Variants in SSH2 observed in about 807,000 individuals in gnomAD.
The protein encoded by SSH2 is slingshot protein phosphatase 2.
Under a neutral mutation model 135.2 loss-of-function variants are expected in SSH2, and 37 were observed. The ratio of observed to expected loss-of-function variants is 0.27; its 90% confidence interval spans 0.21 to 0.36. The LOEUF (loss-of-function observed/expected upper bound fraction) is 0.36, where lower values mean the gene tolerates loss of function less well. Among genes scored for constraint, SSH2 ranks in the 10% least tolerant of loss-of-function variants. SSH2 has a pLI of 1.00. For synonymous variants in SSH2, 628 were observed against 646.2 expected, an observed-to-expected ratio of 0.97 and a Z score of 0.43; for missense variants, 1,408 against 1,765.3, an observed-to-expected ratio of 0.80 and a Z score of 3.63.
In SSH2 at chr17:29,738,698, T is replaced by C. The variant is rs1034761216; in HGVS notation, c.189-35636A>G. 8.1e-4 allele frequency among the ~76,000 whole-genome samples: 123 copies of C among 151,996 alleles called. 1 individual carries two copies. Among genetic ancestry groups the C allele is most frequent in the Non-Finnish European group, 2.4e-4 (16 of 67,920 alleles). The stretch of plus-strand genomic sequence containing the variant: ...CCTCCCAAGTAGCTGGGACTACAGG[T>C]GCCCGCCACCATGCCCGGCTAATTT... On this transcript the variant is annotated intron_variant, in intron 3 of 15. Coordinates refer to ENST00000540801, the MANE Select transcript of SSH2 (RefSeq NM_001282129.2).
At chr17:29,641,935 GT>G (rs1475393924) in intron 14 of SSH2, among the ~76,000 whole-genome samples, 1 of 99,490 alleles carries the variant, frequency 1.0e-5, no homozygotes, top group Non-Finnish European at 1.9e-5. Flanking sequence ...TATAGACATT[GT>G]CTTTTTTTTT....
At chr17:29,672,262 C>A in intron 8 of SSH2, 133 bp from the exon 9 acceptor site, 5 of 610,938 alleles carry the variant, frequency 8.2e-6, no homozygotes, top group Non-Finnish European at 1.4e-5. Flanking sequence ...CCTTGAAAGT[C>A]AAGATTCTCC....
At chr17:29,783,196 G>A (rs199606882) in intron 3 of SSH2, among the ~76,000 whole-genome samples, 6 of 150,908 alleles carry the variant, frequency 4.0e-5, no homozygotes, top group Admixed American at 6.6e-5. Flanking sequence ...GGGGTCATTC[G>A]GTTGTTAGAA....
chr17:29,643,003 A>G (rs1181421967), intron 14 of SSH2: 1 of 518,942 alleles, frequency 1.9e-6, no homozygotes. Flanking sequence ...GCCTCTTGGG[A>G]TAAAATATAA....
At chr17:29,641,937 C>CTTT (rs34380761) in intron 14 of SSH2, among the ~76,000 whole-genome samples, 20 of 139,484 alleles carry the variant, frequency 1.4e-4, no homozygotes, top group Admixed American at 1.1e-3. Flanking sequence ...TAGACATTGT[C>CTTT]TTTTTTTTTT....
intron 8 of SSH2, among the ~76,000 whole-genome samples, chr17:29,673,370 G>A (rs2037572238): frequency 6.6e-6 from 1 of 152,108 alleles, no homozygotes. Context: ...AGGAGATCGA[G>A]ATCAGCCTAA....
At chr17:29,752,737 A>G (rs1447814502) in intron 3 of SSH2, among the ~76,000 whole-genome samples, 1 of 152,022 alleles carries the variant, frequency 6.6e-6, no homozygotes, top group Non-Finnish European at 1.5e-5. Context: ...GCAATAGGCT[A>G]GGAGAAAGTA....
At chr17:29,717,748 G>T (rs559077313) in intron 3 of SSH2, among the ~76,000 whole-genome samples, 1 of 152,134 alleles carries the variant, frequency 6.6e-6, no homozygotes, top group Admixed American at 6.6e-5. Context: ...AAAGGCAGTG[G>T]GGGGAGCTAG....
intron 1 of SSH2, among the ~76,000 whole-genome samples, chr17:29,906,153 A>G (rs547531678): frequency 1.3e-5 from 2 of 152,324 alleles, no homozygotes; most frequent in African/African-American, 4.8e-5. Context: ...CTGGATGGAC[A>G]AGAACTCAGG....
chr17:29,704,821 A>G (rs1037346837), intron 3 of SSH2, among the ~76,000 whole-genome samples: 5 of 152,124 alleles, frequency 3.3e-5, no homozygotes, highest in African/African-American at 1.2e-4. Flanking sequence ...CAAGTTATCC[A>G]TCAAGTTTCT....
intron 3 of SSH2, among the ~76,000 whole-genome samples, chr17:29,730,283 G>A (rs1455013405): frequency 6.7e-6 from 1 of 149,628 alleles, no homozygotes; most frequent in African/African-American, 2.4e-5. Flanking sequence ...GCTCACTCCA[G>A]CCTGGGTGAC....
chr17:29,736,292 C>G (rs1030236179), intron 3 of SSH2, among the ~76,000 whole-genome samples: 6 of 152,100 alleles, frequency 3.9e-5, no homozygotes, highest in African/African-American at 1.4e-4. Flanking sequence ...GTTGGACACT[C>G]TAGAAATGTC....
chr17:29,692,664 C>A (rs2038538128), intron 5 of SSH2, among the ~76,000 whole-genome samples: 1 of 152,164 alleles, frequency 6.6e-6, no homozygotes, highest in South Asian at 2.1e-4. Context: ...GATGTTAGAT[C>A]TCTTTAAAGC....
chr17:29,644,619 C>T (rs1257580631), intron 14 of SSH2, among the ~76,000 whole-genome samples: 2 of 152,042 alleles, frequency 1.3e-5, no homozygotes, highest in Non-Finnish European at 2.9e-5. Flanking sequence ...CCATCCTGGC[C>T]AACATGGTGA....
rs1045339665 is a variant in SSH2 at position 29,701,367 on chromosome 17, G to A, written c.292+1592C>T. 2.1e-4 allele frequency among the ~76,000 whole-genome samples: 31 copies of A among 147,980 alleles called. 1 individual carries two copies. Among genetic ancestry groups the A allele is most frequent in the African/African-American group, 7.0e-4 (28 of 40,218 alleles). Reference sequence around the variant, plus strand: ...GGTGATCCACCTGCCTCGGCCTCCCGAGGTGCTGGGATCATAGGCGCGAGC... The same window carrying A: ...GGTGATCCACCTGCCTCGGCCTCCCAAGGTGCTGGGATCATAGGCGCGAGC... On this transcript the variant is annotated intron_variant, in intron 4 of 15. Transcript: ENST00000540801.
intron 3 of SSH2, among the ~76,000 whole-genome samples, chr17:29,783,794 C>T (rs1217471782): frequency 1.3e-5 from 2 of 151,956 alleles, no homozygotes; most frequent in Non-Finnish European, 2.9e-5. Context: ...GGGCCGGGCG[C>T]GGTGGCTCAC....
chr17:29,757,106 C>T (rs1368015311), intron 3 of SSH2, among the ~76,000 whole-genome samples: 1 of 152,158 alleles, frequency 6.6e-6, no homozygotes, highest in African/African-American at 2.4e-5. Flanking sequence ...AATACAAAAT[C>T]TTTTGAGTCA....
At chr17:29,727,715 G>C (rs570885420) in intron 3 of SSH2, among the ~76,000 whole-genome samples, 9 of 152,314 alleles carry the variant, frequency 5.9e-5, no homozygotes, top group African/African-American at 1.9e-4. Context: ...CCCACAGCTA[G>C]TAAGTCACTG....
chr17:29,627,703 A>G lies in SSH2; in HGVS notation c.*3138T>C, dbSNP rs2035538836. The G allele has an allele frequency of 2.6e-5, 4 of 152,628 alleles. No homozygotes were observed. The highest frequency in any genetic ancestry group is 9.7e-5 in the African/African-American group (4 of 41,436). The allele number at this position is 152,628 out of a possible 1,614,324, so 9.5% of individuals were successfully genotyped here. A position where few individuals can be genotyped will look rare whatever the true frequency, so the allele number is the denominator to read the frequency against. On this transcript the variant is annotated 3_prime_UTR_variant, in exon 16 of 16. Coordinates refer to ENST00000540801, the MANE Select transcript of SSH2 (RefSeq NM_001282129.2). ...GAGGAGAGATGAATATTACGGTACT[A>G]TAGTACTACATGTCTACTACAGTAT...
Sources: gnomAD v4.1 joint callset for allele counts (sites outside exome capture counted in the v4.1 genomes callset) on GRCh38, gnomAD v4.1.1 for gene constraint, MANE v1.5 for transcripts, NCBI Gene and HGNC (gene_info 2026-07-23, HGNC 2026-07-21) for gene names.